IFIH1: variants seen among roughly 807,000 people sequenced by gnomAD.
The protein encoded by IFIH1 is interferon-induced helicase C domain-containing protein 1.
A neutral mutation model predicts 107.4 loss-of-function variants in IFIH1; 125 were observed. The observed-to-expected ratio is 1.16, with a 90% CI of 1.01 to 1.35. The LOEUF (loss-of-function observed/expected upper bound fraction) is 1.35. Ranked by LOEUF, IFIH1 falls within the 40% of genes most tolerant of loss-of-function variation. IFIH1 has a pLI of 0.00. For synonymous variants in IFIH1, 458 were observed against 413.2 expected (o/e 1.11, Z -1.31); for missense variants, 1,333 against 1,213.7 (o/e 1.10, Z -1.46).
In IFIH1 at chr2:162,318,157, C is replaced by A. The variant is rs201710556; in HGVS notation, c.151G>T (p.Ala51Ser). The A allele has an allele frequency of 3.7e-6, 6 of 1,614,152 alleles. No individual in the cohort carries two copies. The East Asian group carries it at 1.1e-4, about 30-fold the overall frequency. The change falls in exon 1 of 16, where the codon GCC (alanine) becomes TCC (serine). Residue 51 changes from alanine to serine, a missense_variant. By Grantham distance (99) the Ala-to-Ser change is moderately conservative. Coordinates refer to ENST00000649979, the MANE Select transcript of IFIH1 (RefSeq NM_022168.4). The stretch of plus-strand genomic sequence containing the variant: ...ACTGCCTGCATGTTCCCGGAGGTGG[C>A]GACTGTCCTCTGAATCTGCTCCTTC... ...EVKEQIQRTV[A>S]TSGNMQAVEL...
chr2:162,313,302 T>G (rs922093742), intron 1 of IFIH1, among the ~76,000 whole-genome samples: 6 of 152,088 alleles, frequency 3.9e-5, no homozygotes, highest in African/African-American at 1.4e-4. Context: ...TCGTGGGAGG[T>G]GAATATTTAC....
chr2:162,315,241 T>C (rs1238026105), intron 1 of IFIH1, among the ~76,000 whole-genome samples: 2 of 152,212 alleles, frequency 1.3e-5, no homozygotes, highest in Non-Finnish European at 2.9e-5. Context: ...CACAATTCAA[T>C]ACGTCATGTG....
intron 1 of IFIH1, among the ~76,000 whole-genome samples, chr2:162,314,519 C>T (rs140885022): frequency 0.012 from 1,800 of 148,136 alleles, 29 homozygotes; most frequent in African/African-American, 0.043. Context: ...GATGGAGTCT[C>T]GCTCTGTCAC....
intron 2 of IFIH1, among the ~76,000 whole-genome samples, chr2:162,309,510 C>T (rs1421954830): frequency 6.6e-6 from 1 of 152,154 alleles, no homozygotes; most frequent in Non-Finnish European, 1.5e-5. Context: ...CTGTAGAATC[C>T]AGAAAGTCCA....
chr2:162,272,912 G>A (rs1430021602), intron 12 of IFIH1, among the ~76,000 whole-genome samples: 1 of 152,126 alleles, frequency 6.6e-6, no homozygotes, highest in African/African-American at 2.4e-5. Context: ...GTGATATTCA[G>A]GTATATTTTG....
chr2:162,284,797 T>A (rs1682871345), intron 5 of IFIH1, among the ~76,000 whole-genome samples: 2 of 151,852 alleles, frequency 1.3e-5, no homozygotes, highest in Admixed American at 6.6e-5. Context: ...CTAGACTGTA[T>A]ATTTCGTGAG....
chr2:162,269,088 C>T (rs893376106), intron 13 of IFIH1, among the ~76,000 whole-genome samples: 3 of 152,162 alleles, frequency 2.0e-5, no homozygotes, highest in Non-Finnish European at 4.4e-5. Flanking sequence ...ACATTTGTAG[C>T]AGAAACCACT....
intron 8 of IFIH1, among the ~76,000 whole-genome samples, chr2:162,279,273 G>A (rs1484594674): frequency 1.3e-5 from 2 of 151,964 alleles, no homozygotes; most frequent in Non-Finnish European, 2.9e-5. Context: ...ACTAACATTG[G>A]TTTAGTGCCT....
At chr2:162,297,920 T>C (rs932523031) in intron 3 of IFIH1, among the ~76,000 whole-genome samples, 18 of 152,128 alleles carry the variant, frequency 1.2e-4, no homozygotes, top group Non-Finnish European at 2.1e-4. Flanking sequence ...ACATCTTGAG[T>C]ATTTTGCTAA....
intron 3 of IFIH1, among the ~76,000 whole-genome samples, chr2:162,299,683 A>T (rs975364979): frequency 3.9e-5 from 6 of 152,132 alleles, no homozygotes; most frequent in Non-Finnish European, 5.9e-5. Flanking sequence ...ACACACATGC[A>T]TTGTGCTGGC....
Position 162,267,503 on chromosome 2 carries a change from A to G in IFIH1, c.2874T>C (p.Gly958=). 1.2e-6 allele frequency: 2 copies of G among 1,613,982 alleles called. No homozygotes were observed. The highest frequency in any genetic ancestry group is 1.7e-6 in the Non-Finnish European group (2 of 1,179,864). ...QKKCADYQIN[G]EIICKCGQAW... is the part of the protein sequence containing the mutation. ...CCTGGCCACATTTGCAGATGATTTC[A>G]CCATTTATTTGATAGTCGGCACACT... Residue 958 remains glycine, a synonymous_variant, in exon 15 of 16, where the codon GGT becomes GGC. Transcript: ENST00000649979.
chr2:162,300,903 T>A (rs1160343085), intron 3 of IFIH1, among the ~76,000 whole-genome samples: 3 of 152,116 alleles, frequency 2.0e-5, no homozygotes, highest in Admixed American at 6.6e-5. Flanking sequence ...CAAGGATAAA[T>A]TTTGTGGCAC....
chr2:162,287,292 T>TA (rs1362008719), intron 5 of IFIH1, among the ~76,000 whole-genome samples: 1 of 151,878 alleles, frequency 6.6e-6, no homozygotes, highest in African/African-American at 2.4e-5. Context: ...TGCTTTTTTT[T>TA]ATAAAGGAAT....
intron 3 of IFIH1, among the ~76,000 whole-genome samples, chr2:162,298,508 G>A (rs772492057): frequency 3.3e-5 from 5 of 151,958 alleles, no homozygotes; most frequent in African/African-American, 1.2e-4. Context: ...CTGACCTTGT[G>A]ATGCATTTTA....
At position 162,276,646 on chromosome 2, in the gene IFIH1, A is replaced by G. The variant is rs74269124; in HGVS notation, c.2304+41T>C. On this transcript the variant is annotated intron_variant, in intron 11 of 15. Transcript: ENST00000649979. Reference sequence around the variant, plus strand: ...GAAGAAGAGAAGAGAAGAAGAAAAGAGAAAGAAAAGAAAAGAAGTCGTCCA... The same window carrying G: ...GAAGAAGAGAAGAGAAGAAGAAAAGGGAAAGAAAAGAAAAGAAGTCGTCCA... 8,352 of 1,565,408 alleles carry G rather than the reference A, an allele frequency of 5.3e-3. 632 individuals carry two copies. The East Asian group carries it at 0.15, about 28-fold the overall frequency.
chr2:162,268,537 C>T (rs1288680771), intron 13 of IFIH1, among the ~76,000 whole-genome samples: 4 of 152,104 alleles, frequency 2.6e-5, no homozygotes, highest in African/African-American at 9.7e-5. Context: ...GTGAGAAAGT[C>T]CTTAGCAATA....
chr2:162,300,698 A>G (rs1023407799), intron 3 of IFIH1, among the ~76,000 whole-genome samples: 8 of 152,240 alleles, frequency 5.3e-5, no homozygotes, highest in Non-Finnish European at 1.0e-4. Flanking sequence ...AAAATTAAAA[A>G]GTAAAGGAGT....
chr2:162,272,101 T>C lies in IFIH1; in HGVS notation c.2616+125A>G, dbSNP rs1691050992. On this transcript the variant is annotated intron_variant, in intron 13 of 15. Transcript: ENST00000649979. ...GCATGTGAATCTGGATTAAGCACAGTTCACTAAACAGAAACTTATAATTCA... is the reference window on the plus strand; with the variant it reads ...GCATGTGAATCTGGATTAAGCACAGCTCACTAAACAGAAACTTATAATTCA... 9 of 753,624 alleles carry C rather than the reference T, an allele frequency of 1.2e-5. No individual in the cohort carries two copies. In the Admixed American group the frequency reaches 1.8e-4, roughly 15 times the overall value. 46.7% of individuals were successfully genotyped at this position (753,624 alleles called of 1,614,324 possible). A position where few individuals can be genotyped will look rare whatever the true frequency, so the allele number is the denominator to read the frequency against.
Position 162,272,358 on chromosome 2 carries a change from G to A in IFIH1, c.2484C>T (p.Ser828=), listed in dbSNP as rs1691057881. 6.2e-7 allele frequency: 1 copy of A among 1,613,114 alleles called. No homozygotes were observed. The highest frequency in any genetic ancestry group is 1.3e-5 in the African/African-American group (1 of 74,848). ...CACTGTGAGCAACCAGGACGTAGGT[G>A]CTCTCATCAGCTCTGGCTCGACCAC... ...QARGRARADE[S]TYVLVAHSGS... The change falls in exon 13 of 16, where the codon AGC becomes AGT. Residue 828 remains serine (S), a synonymous_variant. Coordinates refer to ENST00000649979, the MANE Select transcript of IFIH1 (RefSeq NM_022168.4).
Sources: allele counts gnomAD v4.1 joint callset (sites outside exome capture counted in the v4.1 genomes callset), GRCh38; gene constraint gnomAD v4.1.1; transcripts MANE v1.5; gene names NCBI Gene and HGNC (gene_info 2026-07-23, HGNC 2026-07-21).